SLC17A1: variants seen among roughly 807,000 people sequenced by gnomAD.
SLC17A1 encodes the protein sodium-dependent phosphate transport protein 1.
In SLC17A1, 51 loss-of-function variants were observed where a neutral mutation model predicts 53.5. The ratio of observed to expected loss-of-function variants is 0.95; its 90% CI spans 0.76 to 1.20. The LOEUF is 1.20. Among genes scored for constraint, SLC17A1 ranks in the 50% most tolerant of loss-of-function variants. SLC17A1 has a pLI of 0.00. For synonymous variants in SLC17A1, 179 were observed against 198.8 expected (o/e 0.90, Z 0.84); for missense variants, 538 against 568.2 (o/e 0.95, Z 0.54).
the SLC17A1 span, among the ~76,000 whole-genome samples, chr6:25,764,492 G>A: frequency 3.3e-5 from 5 of 152,168 alleles, no homozygotes; most frequent in South Asian, 6.2e-4. Context: ...TTGAAACTAA[G>A]GAATTATTCC....
chr6:25,766,154 AATT>A, the SLC17A1 span, among the ~76,000 whole-genome samples: 6 of 149,046 alleles, frequency 4.0e-5, no homozygotes, highest in Non-Finnish European at 8.9e-5. Context: ...ATTTTATAGA[AATT>A]ATTATTTCTA....
At chr6:25,763,344 G>A in the SLC17A1 span, among the ~76,000 whole-genome samples, 3 of 152,172 alleles carry the variant, frequency 2.0e-5, no homozygotes, top group Admixed American at 2.0e-4. Flanking sequence ...TAATAAGGCA[G>A]AACCCCAGCT....
the SLC17A1 span, chr6:25,773,193 G>C: frequency 1.8e-6 from 2 of 1,097,994 alleles, no homozygotes; most frequent in East Asian, 4.7e-5. Flanking sequence ...CAGTCACTCT[G>C]TCAACCACAG....
the SLC17A1 span, among the ~76,000 whole-genome samples, chr6:25,753,412 C>T: frequency 0.27 from 41,326 of 152,008 alleles, 6,834 homozygotes; most frequent in East Asian, 0.7. Flanking sequence ...AAGACTTTTA[C>T]ACCAGTAAGT....
chr6:25,756,338 A>G, the SLC17A1 span, among the ~76,000 whole-genome samples: 1 of 152,218 alleles, frequency 6.6e-6, no homozygotes, highest in Admixed American at 6.5e-5. Flanking sequence ...TCTCCTTCTC[A>G]GTGTTCCCGT....
the SLC17A1 span, chr6:25,773,399 T>C: frequency 1.3e-5 from 21 of 1,613,318 alleles, no homozygotes; most frequent in East Asian, 2.2e-5. Flanking sequence ...AGCAGGTACA[T>C]TGAGGAACTC....
At position 25,812,108 on chromosome 6, in the gene SLC17A1, C is replaced by T. The variant is rs9467612; in HGVS notation, c.898-338G>A. ...GATAAAGATGACAATTACAGACATG[C>T]GTATGGTGCTTACACTGGACCAGCT... is the stretch of plus-strand genomic sequence containing the variant. On this transcript the variant is annotated intron_variant, in intron 8 of 12. Transcript: ENST00000244527. Among the ~76,000 whole-genome samples, 1,188 of 152,220 alleles carry T rather than the reference C, an allele frequency of 7.8e-3. 14 individuals are homozygous for T. The highest frequency in any genetic ancestry group is 0.027 in the African/African-American group (1,135 of 41,548).
intron 10 of SLC17A1, among the ~76,000 whole-genome samples, chr6:25,808,873 C>T (rs952357129): frequency 1.3e-5 from 2 of 152,014 alleles, no homozygotes; most frequent in Non-Finnish European, 2.9e-5. Context: ...AATAGAACTA[C>T]CATTAGATCC....
At chr6:25,809,396 G>A (rs1764070957) in intron 10 of SLC17A1, among the ~76,000 whole-genome samples, 1 of 151,900 alleles carries the variant, frequency 6.6e-6, no homozygotes, top group East Asian at 1.9e-4. Flanking sequence ...TTATACAAAA[G>A]CAAGCAACTT....
rs1004936023 is a variant in SLC17A1 at position 25,820,006 on chromosome 6, C to G, written c.208-91G>C. 17 of 835,132 alleles carry G rather than the reference C, an allele frequency of 2.0e-5. No homozygotes were observed. The African/African-American group carries it at 2.9e-4, about 14-fold the overall frequency. 51.7% of individuals were successfully genotyped at this position (835,132 alleles called of 1,614,324 possible). On this transcript the variant is annotated intron_variant, in intron 3 of 12. Coordinates refer to ENST00000244527, the MANE Select transcript of SLC17A1 (RefSeq NM_005074.5). The stretch of plus-strand genomic sequence containing the variant: ...ATTCAGGGAAACTGTTCTGGCTCAC[C>G]TCATGGAAAGTAGCTCCCCTCTTAC...
At chr6:25,726,438 C>T in the SLC17A1 span, 1 of 1,614,018 alleles carries the variant, frequency 6.2e-7, no homozygotes, top group Non-Finnish European at 8.5e-7. Context: ...GACGATGGAT[C>T]CGGCCTACGG....
chr6:25,805,502 G>A (rs1763921520), intron 10 of SLC17A1, among the ~76,000 whole-genome samples: 1 of 151,766 alleles, frequency 6.6e-6, no homozygotes, highest in Non-Finnish European at 1.5e-5. Flanking sequence ...CCCAAAGCTA[G>A]AAGAAGAAAG....
chr6:25,801,398 A>C (rs922083593), intron 10 of SLC17A1, among the ~76,000 whole-genome samples: 1 of 152,218 alleles, frequency 6.6e-6, no homozygotes, highest in Non-Finnish European at 1.5e-5. Flanking sequence ...TCCAATACTC[A>C]GGCAAGGAAA....
At chr6:25,818,711 G>A (rs1051756472) in intron 6 of SLC17A1, among the ~76,000 whole-genome samples, 2 of 152,094 alleles carry the variant, frequency 1.3e-5, no homozygotes, top group Non-Finnish European at 2.9e-5. Context: ...TGATTATGTG[G>A]TAGTGCTCCA....
chr6:25,806,575 G>A (rs1763961030), intron 10 of SLC17A1, among the ~76,000 whole-genome samples: 1 of 151,894 alleles, frequency 6.6e-6, no homozygotes, highest in South Asian at 2.1e-4. Flanking sequence ...CTGGAAAACA[G>A]GAAGTCAAAA....
intron 8 of SLC17A1, 108 bp from the exon 9 acceptor site, chr6:25,811,878 T>C: frequency 1.7e-6 from 2 of 1,189,642 alleles, no homozygotes; most frequent in East Asian, 2.5e-5. Flanking sequence ...TACTTTCATA[T>C]AGGAAATCAT....
chr6:25,799,047 A>G, intron 11 of SLC17A1, 128 bp from the exon 12 acceptor site: 1 of 766,138 alleles, frequency 1.3e-6, no homozygotes, highest in Non-Finnish European at 1.9e-6. Flanking sequence ...ATACTTATAC[A>G]TAGCCGAAAA....
chr6:25,726,351 G>T, the SLC17A1 span: 1 of 1,614,110 alleles, frequency 6.2e-7, no homozygotes, highest in Non-Finnish European at 8.5e-7. Context: ...TTTCTGCTGT[G>T]AGATACTCTA....
At chr6:25,777,124 G>A in the SLC17A1 span, 2 of 774,034 alleles carry the variant, frequency 2.6e-6, no homozygotes, top group Non-Finnish European at 4.0e-6. Context: ...GAGACTCAAA[G>A]CTGGTGGACC....
Sources: gnomAD v4.1 joint callset for allele counts (sites outside exome capture counted in the v4.1 genomes callset) on GRCh38, gnomAD v4.1.1 for gene constraint, MANE v1.5 for transcripts, NCBI Gene and HGNC (gene_info 2026-07-23, HGNC 2026-07-21) for gene names.